TMIGD1: variants seen among roughly 807,000 people sequenced by gnomAD.
TMIGD1 encodes transmembrane and immunoglobulin domain-containing protein 1.
In TMIGD1, 29 loss-of-function variants were observed where a neutral mutation model predicts 27.5. The ratio of observed to expected loss-of-function variants is 1.05; its 90% CI spans 0.78 to 1.44. TMIGD1 has a LOEUF of 1.44. Among genes scored for constraint, TMIGD1 ranks in the 40% most tolerant of loss-of-function variants. TMIGD1 has a pLI of 0.00. For missense variants in TMIGD1, 334 were observed against 310.6 expected, an observed-to-expected ratio of 1.08 and a Z score of -0.57; for synonymous variants, 109 against 110.3, an observed-to-expected ratio of 0.99 and a Z score of 0.07.
chr17:30,327,030 C>T (rs1909803048), intron 3 of TMIGD1, among the ~76,000 whole-genome samples: 1 of 148,748 alleles, frequency 6.7e-6, no homozygotes, highest in South Asian at 2.1e-4. Context: ...TTATGGATTA[C>T]TGAGCAATTA....
At chr17:30,325,351 T>C (rs1051245244) in intron 3 of TMIGD1, among the ~76,000 whole-genome samples, 3 of 152,164 alleles carry the variant, frequency 2.0e-5, no homozygotes, top group African/African-American at 4.8e-5. Flanking sequence ...TATATAGTAA[T>C]GATCTATGAC....
intron 5 of TMIGD1, among the ~76,000 whole-genome samples, chr17:30,318,168 T>C (rs1322684846): frequency 6.6e-6 from 1 of 152,100 alleles, no homozygotes; most frequent in African/African-American, 2.4e-5. Flanking sequence ...GTGGAGTGAA[T>C]TTCTTCTTGA....
chr17:30,318,666 C>T (rs868845423), intron 5 of TMIGD1, 144 bp downstream of exon 5: 45 of 571,116 alleles, frequency 7.9e-5, no homozygotes, highest in Non-Finnish European at 1.2e-4. Context: ...TTCCCTTGAG[C>T]AACTGTATTT....
rs149364379 is a variant in TMIGD1 at position 30,324,822 on chromosome 17, C to A, written c.634G>T (p.Val212Phe). The A allele has an allele frequency of 3.1e-6, 5 of 1,613,556 alleles. 1 individual carries two copies. The highest frequency in any genetic ancestry group is 2.7e-5 in the African/African-American group (2 of 74,894). ...TACTTAAAAAGAGCATTACCTTTAA[C>A]AATCAGGTGAAAGTCCAAGCTCTCC... Reference protein sequence around the residue: ...KTESLDFHLIVKDKTVGVPIE... With the variant: ...KTESLDFHLIFKDKTVGVPIE... Residue 212 changes from valine to phenylalanine, a missense_variant, in exon 4 of 7, where the codon GTT becomes TTT. Physicochemically the swap from Val to Phe is conservative, Grantham distance 50. Transcript: ENST00000328886.
chr17:30,326,427 T>A (rs1298023915), intron 3 of TMIGD1, among the ~76,000 whole-genome samples: 1 of 152,196 alleles, frequency 6.6e-6, no homozygotes, highest in African/African-American at 2.4e-5. Flanking sequence ...TCTTTCTTTT[T>A]TCTTAAATAG....
chr17:30,329,448 G>A lies in TMIGD1; in HGVS notation c.164C>T (p.Ala55Val). ...TTCCTCTCTGGTGTGGTTTTGAACA[G>A]CACATATCAGAGATGCTTGGGAGCC... ...TPGSQASLIC[A>V]VQNHTREEEL... The change falls in exon 3 of 7, where the codon GCT becomes GTT. Residue 55 changes from alanine to valine, a missense_variant. Transcript: ENST00000328886. 1 of 1,614,160 alleles carries A rather than the reference G, an allele frequency of 6.2e-7. No homozygotes were observed. The highest frequency in any genetic ancestry group is 1.1e-5 in the South Asian group (1 of 91,074).
intron 3 of TMIGD1, among the ~76,000 whole-genome samples, chr17:30,327,319 A>G (rs1031896580): frequency 2.0e-5 from 3 of 152,056 alleles, no homozygotes; most frequent in African/African-American, 7.2e-5. Context: ...TGGAAGGCTG[A>G]GGCAGGCAGA....
At chr17:30,331,631 C>A (rs1909980996) in intron 2 of TMIGD1, among the ~76,000 whole-genome samples, 1 of 146,906 alleles carries the variant, frequency 6.8e-6, no homozygotes, top group Non-Finnish European at 1.5e-5. Context: ...GTCGCCCAGG[C>A]TGGAGTACAG....
intron 2 of TMIGD1, 124 bp downstream of exon 2, chr17:30,331,928 G>A (rs1051093936): frequency 3.0e-5 from 20 of 667,202 alleles, no homozygotes; most frequent in Non-Finnish European, 4.5e-5. Context: ...TGTACTGTGA[G>A]CCATGCTAAC....
In TMIGD1 at chr17:30,325,057, A is replaced by C; in HGVS notation, c.399T>G (p.Val133=). The C allele has an allele frequency of 6.2e-7, 1 of 1,613,846 alleles. No homozygotes were observed. The highest frequency in any genetic ancestry group is 2.2e-5 in the East Asian group (1 of 44,870). Residue 133 remains valine (V), a synonymous_variant, in exon 4 of 7, where the codon GTT becomes GTG. Coordinates refer to ENST00000328886, the MANE Select transcript of TMIGD1 (RefSeq NM_206832.3). ...PLLSGNDFQT[V]EEGSNVKLVC... ...CCAACTTCACATTACTGCCTTCCTC[A>C]ACTGTTTGGAAGTCGTTTCCACTTA... is the stretch of plus-strand genomic sequence containing the variant.
chr17:30,316,500 A>C lies in TMIGD1; in HGVS notation c.*187T>G, dbSNP rs1909417449. ...TAACAAAATCTTACTTTTCATTCTTAATAGCTCTTTCCATAAAAATGTTCC... is the reference window on the plus strand; with the variant it reads ...TAACAAAATCTTACTTTTCATTCTTCATAGCTCTTTCCATAAAAATGTTCC... On this transcript the variant is annotated 3_prime_UTR_variant, in exon 7 of 7. Transcript: ENST00000328886. The C allele has an allele frequency of 1.7e-6, 1 of 580,688 alleles. No individual in the cohort carries two copies. The highest frequency in any genetic ancestry group is 3.0e-6 in the Non-Finnish European group (1 of 332,640). The allele number at this position is 580,688 out of a possible 1,614,324, so 36.0% of individuals were successfully genotyped here. A position where few individuals can be genotyped will look rare whatever the true frequency, so the allele number is the denominator to read the frequency against.
At chr17:30,325,119 T>C (rs1360376206) in intron 3 of TMIGD1, 25 bp from the exon 4 acceptor site, 1 of 1,589,832 alleles carries the variant, frequency 6.3e-7, no homozygotes, top group South Asian at 1.1e-5. Context: ...CATTTAGATT[T>C]AATTAGCAGA....
chr17:30,318,959 C>T (rs1210004807), intron 4 of TMIGD1, 46 bp from the exon 5 acceptor site: 2 of 1,334,562 alleles, frequency 1.5e-6, no homozygotes, highest in South Asian at 1.2e-5. Context: ...CATTTATATA[C>T]TTCCAATACG....
At chr17:30,332,209 C>G in intron 1 of TMIGD1, 51 bp from the exon 2 acceptor site, 2 of 1,071,936 alleles carry the variant, frequency 1.9e-6, no homozygotes, top group Non-Finnish European at 2.8e-6. Context: ...GCAATGAGTT[C>G]GTGAACCTTC....
intron 3 of TMIGD1, among the ~76,000 whole-genome samples, chr17:30,326,410 T>C (rs1909776005): frequency 6.6e-6 from 1 of 152,214 alleles, no homozygotes; most frequent in African/African-American, 2.4e-5. Context: ...GTGTAAATCC[T>C]TCCCTATCTT....
chr17:30,324,895 C>T lies in TMIGD1; in HGVS notation c.561G>A (p.Lys187=), dbSNP rs1909724436. 1.9e-6 allele frequency: 3 copies of T among 1,614,186 alleles called. No homozygotes were observed. The highest frequency in any genetic ancestry group is 2.5e-6 in the Non-Finnish European group (3 of 1,180,010). The change falls in exon 4 of 7, where the codon AAG becomes AAA. Residue 187 remains lysine (K), a synonymous_variant. Coordinates refer to ENST00000328886, the MANE Select transcript of TMIGD1 (RefSeq NM_206832.3). ...SFQLSITKVE[K]PDNGTYSCIA... is the part of the protein sequence containing the mutation. ...TACAACTGTAGGTTCCGTTGTCAGG[C>T]TTCTCGACTTTGGTGATTGACAGCT... is the stretch of plus-strand genomic sequence containing the variant.
chr17:30,329,282 G>A lies in TMIGD1; in HGVS notation c.330C>T (p.Ser110=), dbSNP rs141395131. The part of the protein sequence containing the change: ...SFTCRLGRDQ[S]VSVSVVLNVT... ...CATTCAGCACCACCGAAACGGACAC[G>A]GACTGATCCCTCCCCAGCCTGCAGG... is the stretch of plus-strand genomic sequence containing the variant. Residue 110 remains serine, a synonymous_variant, in exon 3 of 7, where the codon TCC becomes TCT. Coordinates refer to ENST00000328886, the MANE Select transcript of TMIGD1 (RefSeq NM_206832.3). 424 of 1,613,946 alleles carry A rather than the reference G, an allele frequency of 2.6e-4. 2 individuals carry two copies. The African/African-American group carries it at 5.1e-3, about 19-fold the overall frequency.
chr17:30,329,795 T>C (rs986158249), intron 2 of TMIGD1, among the ~76,000 whole-genome samples: 19 of 152,042 alleles, frequency 1.2e-4, no homozygotes, highest in African/African-American at 4.6e-4. Flanking sequence ...AGTACTGATG[T>C]AGCTGGGTGC....
In TMIGD1 at chr17:30,316,687, T is replaced by C; in HGVS notation, c.789A>G (p.Ter263TrpextTer3). 1 of 1,613,294 alleles carries C rather than the reference T, an allele frequency of 6.2e-7. No homozygotes were observed. The highest frequency in any genetic ancestry group is 1.1e-5 in the South Asian group (1 of 90,830). ...TGTATTCGATGGCATCTCAGCTTTC[T>C]CATCTGAAATGAATGAAGAAATTAA... is the stretch of plus-strand genomic sequence containing the variant. ...DKDPHSETAL[*>W] Residue 263 changes from the stop codon to tryptophan, a stop_lost, in exon 7 of 7, where the codon TGA (stop) becomes TGG (tryptophan). Coordinates refer to ENST00000328886, the MANE Select transcript of TMIGD1 (RefSeq NM_206832.3).
Sources: allele counts gnomAD v4.1 joint callset (sites outside exome capture counted in the v4.1 genomes callset), GRCh38; gene constraint gnomAD v4.1.1; transcripts MANE v1.5; gene names NCBI Gene and HGNC (gene_info 2026-07-23, HGNC 2026-07-21).